STAMBP: variants seen among roughly 807,000 people sequenced by gnomAD.
The protein encoded by STAMBP is STAM-binding protein.
In STAMBP, 31 loss-of-function variants were observed where a neutral mutation model predicts 50.7. The ratio of observed to expected loss-of-function variants is 0.61; its 90% CI spans 0.46 to 0.83. The LOEUF is 0.83. Among genes scored for constraint, STAMBP ranks in the 40% least tolerant of loss-of-function variants. The pLI is 0.00. For synonymous variants in STAMBP, 211 were observed against 192.4 expected, an observed-to-expected ratio of 1.10 and a Z score of -0.80; for missense variants, 472 against 518.9, an observed-to-expected ratio of 0.91 and a Z score of 0.88.
chr2:73,837,584 C>CA (rs56397494), intron 2 of STAMBP, among the ~76,000 whole-genome samples: 644 of 40,900 alleles, frequency 0.016, 103 homozygotes, highest in Admixed American at 0.041. Flanking sequence ...GACTCCATCT[C>CA]AAAAAAAAAA....
At position 73,865,029 on chromosome 2, in the gene STAMBP, A is replaced by G. The variant is rs530819731; in HGVS notation, c.*2770A>G. 2.6e-5 allele frequency: 4 copies of G among 152,350 alleles called. No homozygotes were observed. The highest frequency in any genetic ancestry group is 7.2e-5 in the African/African-American group (3 of 41,584). 9.4% of individuals were successfully genotyped at this position (152,350 alleles called of 1,614,324 possible). On this transcript the variant is annotated 3_prime_UTR_variant, in exon 10 of 10. Coordinates refer to ENST00000394070, the MANE Select transcript of STAMBP (RefSeq NM_213622.4). The stretch of plus-strand genomic sequence containing the variant: ...CATGAGAGAAACATTCCCTTGGGCC[A>G]GTGTCATGGTGGATTTTCTTGCTTG...
At position 73,849,346 on chromosome 2, in the gene STAMBP, T is replaced by A. The variant is rs767226230; in HGVS notation, c.743-17T>A. 6 of 1,613,456 alleles carry A rather than the reference T, an allele frequency of 3.7e-6. 1 individual carries two copies. The South Asian group carries it at 6.6e-5, about 18-fold the overall frequency. On this transcript the variant is annotated splice_polypyrimidine_tract_variant and intron_variant, in intron 5 of 9. Transcript: ENST00000394070. ...AGGGCTCAGTGGTCGCAGACTATTCTCCTTTCTCCTTTACAGTTCCCACAA... is the reference window on the plus strand; with the variant it reads ...AGGGCTCAGTGGTCGCAGACTATTCACCTTTCTCCTTTACAGTTCCCACAA...
chr2:73,868,381 C>A (rs1679052686), downstream of STAMBP, among the ~76,000 whole-genome samples: 2 of 151,986 alleles, frequency 1.3e-5, no homozygotes, highest in Non-Finnish European at 2.9e-5. Context: ...CGGATGGCAG[C>A]CCAGGTCTAC....
rs541700330 is a variant in STAMBP, at chr2:73,864,976, C to A, written c.*2717C>A. On this transcript the variant is annotated 3_prime_UTR_variant, in exon 10 of 10. Transcript: ENST00000394070. The stretch of plus-strand genomic sequence containing the variant: ...AACCCTTAAGCTTTTGTAATATTGT[C>A]TTGGGTACCAGATACCATAAAAGGC... 1 of 152,302 alleles carries A rather than the reference C, an allele frequency of 6.6e-6. No individual in the cohort carries two copies. Among genetic ancestry groups the A allele is most frequent in the African/African-American group, 2.4e-5 (1 of 41,566 alleles). 9.4% of individuals were successfully genotyped at this position (152,302 alleles called of 1,614,324 possible).
intron 4 of STAMBP, among the ~76,000 whole-genome samples, chr2:73,846,304 T>G (rs1427821647): frequency 6.6e-6 from 1 of 151,968 alleles, no homozygotes; most frequent in African/African-American, 2.4e-5. Flanking sequence ...TCATTTTGGG[T>G]TAAAATTCAG....
At chr2:73,836,166 C>T (rs571035061) in intron 2 of STAMBP, among the ~76,000 whole-genome samples, 2 of 152,322 alleles carry the variant, frequency 1.3e-5, no homozygotes, top group South Asian at 4.1e-4. Flanking sequence ...GTGGTATGTA[C>T]ACATCTACAG....
Position 73,847,595 on chromosome 2 carries a change from C to T in STAMBP, c.584C>T (p.Pro195Leu), listed in dbSNP as rs145371787. Residue 195 changes from proline to leucine, a missense_variant, in exon 5 of 10, where the codon CCG becomes CTG. Physicochemically the swap from Pro to Leu is moderately conservative, Grantham distance 98. Transcript: ENST00000394070. ...FGKVDPGLGG[P>L]LVPDLEKPSL... ...AAGGTAGACCCTGGCCTAGGTGGCC[C>T]GCTAGTGCCTGACTTGGAGAAGCCC... The T allele has an allele frequency of 4.3e-5, 69 of 1,614,136 alleles. No individual in the cohort carries two copies. The South Asian group carries it at 4.5e-4, about 11-fold the overall frequency.
intron 5 of STAMBP, among the ~76,000 whole-genome samples, chr2:73,848,052 ACAT>A (rs1676355653): frequency 6.6e-6 from 1 of 152,234 alleles, no homozygotes; most frequent in African/African-American, 2.4e-5. Context: ...TCCTCAGATA[ACAT>A]CATCAGACTG....
chr2:73,841,568 G>A (rs1019761799), intron 2 of STAMBP, among the ~76,000 whole-genome samples: 4 of 152,160 alleles, frequency 2.6e-5, no homozygotes, highest in Admixed American at 1.3e-4. Context: ...GCTTATCTAT[G>A]GTAGCAGATA....
intron 5 of STAMBP, 115 bp from the exon 6 acceptor site, chr2:73,849,248 G>A: frequency 6.6e-7 from 1 of 1,506,878 alleles, no homozygotes; most frequent in Non-Finnish European, 9.1e-7. Flanking sequence ...CTCACTGCCT[G>A]AAGTTGGGGG....
chr2:73,872,930 C>G (rs534280173), intron 10 of STAMBP, among the ~76,000 whole-genome samples: 1 of 152,164 alleles, frequency 6.6e-6, no homozygotes, highest in South Asian at 2.1e-4. Flanking sequence ...GTGGATGGGC[C>G]GTAGGATGTA....
Position 73,862,189 on chromosome 2 carries a change from T to C in STAMBP, c.1219-14T>C. 1 of 1,594,262 alleles carries C rather than the reference T, an allele frequency of 6.3e-7. No individual in the cohort carries two copies. The highest frequency in any genetic ancestry group is 8.5e-7 in the Non-Finnish European group (1 of 1,174,660). On this transcript the variant is annotated splice_polypyrimidine_tract_variant and intron_variant, in intron 9 of 9. Coordinates refer to ENST00000394070, the MANE Select transcript of STAMBP (RefSeq NM_213622.4). ...AATTTTCTAGGACTCCACCTTTCTT[T>C]TTTCCTATTGCAGAGCTGCAGCCAC...
chr2:73,853,151 A>G (rs1211415687), intron 7 of STAMBP, among the ~76,000 whole-genome samples: 1 of 152,054 alleles, frequency 6.6e-6, no homozygotes, highest in Admixed American at 6.6e-5. Context: ...CCTGGATTTG[A>G]TGAAATTATT....
chr2:73,853,949 C>CAT (rs907753698), intron 7 of STAMBP, among the ~76,000 whole-genome samples: 15 of 152,196 alleles, frequency 9.9e-5, no homozygotes, highest in Admixed American at 7.2e-4. Flanking sequence ...GGAGTTATAC[C>CAT]ATATGTATAT....
At chr2:73,871,543 G>A (rs1442797479), downstream of STAMBP, among the ~76,000 whole-genome samples, 2 of 142,360 alleles carry the variant, frequency 1.4e-5, no homozygotes, top group Non-Finnish European at 3.0e-5. Flanking sequence ...GTGAGACTCC[G>A]TCTCAAAAAA....
intron 2 of STAMBP, among the ~76,000 whole-genome samples, chr2:73,842,146 A>C (rs1675473646): frequency 1.3e-5 from 2 of 152,220 alleles, no homozygotes. Flanking sequence ...AAGTAAATAA[A>C]TACGGCAGGC....
At chr2:73,860,909 G>C (rs1678251808) in intron 9 of STAMBP, among the ~76,000 whole-genome samples, 2 of 152,218 alleles carry the variant, frequency 1.3e-5, no homozygotes, top group Admixed American at 1.3e-4. Context: ...TCAAGTGTTA[G>C]AAGAGTTGAA....
Position 73,830,950 on chromosome 2 carries a change from C to T in STAMBP, c.94C>T (p.Pro32Ser), listed in dbSNP as rs1673835326. 3 of 1,614,040 alleles carry T rather than the reference C, an allele frequency of 1.9e-6. No individual in the cohort carries two copies. Among genetic ancestry groups the T allele is most frequent in the Non-Finnish European group, 2.5e-6 (3 of 1,180,008 alleles). ...GSAVEVNEDI[P>S]PRRYFRSGVE... is the part of the protein sequence containing the mutation. ...TGCGGTAGAGGTGAATGAAGACATT[C>T]CACCCCGTCGGTACTTCCGCTCTGG... Residue 32 changes from proline (P) to serine (S), a missense_variant, in exon 2 of 10, where the codon CCA becomes TCA. Transcript: ENST00000394070.
At chr2:73,846,625 GAAAA>G (rs71406838) in intron 4 of STAMBP, among the ~76,000 whole-genome samples, 2 of 139,192 alleles carry the variant, frequency 1.4e-5, no homozygotes, top group Non-Finnish European at 3.1e-5. Flanking sequence ...GACTCTCTAA[GAAAA>G]AAAAAAAAAA....
Sources: allele counts gnomAD v4.1 joint callset (sites outside exome capture counted in the v4.1 genomes callset), GRCh38; gene constraint gnomAD v4.1.1; transcripts MANE v1.5; gene names NCBI Gene and HGNC (gene_info 2026-07-23, HGNC 2026-07-21).